The following FGF12 variants were observed in gnomAD, a reference collection of about 807,000 sequenced individuals.
FGF12 encodes the protein fibroblast growth factor 12, also known as fibroblast growth factor 12B.
FGF12 carries 14 observed loss-of-function variants against 23.6 expected under a neutral mutation model. The ratio of observed to expected loss-of-function variants is 0.59; its 90% CI spans 0.39 to 0.93. The LOEUF (loss-of-function observed/expected upper bound fraction) is 0.93. Ranked by LOEUF, FGF12 falls within the 40% of genes least tolerant of loss-of-function variation. The probability of loss-of-function intolerance (pLI) is 0.00; values close to 1 mark genes in which losing one functional copy is unlikely to be tolerated. For synonymous variants in FGF12, 62 were observed against 77.3 expected, an observed-to-expected ratio of 0.80 and a Z score of 1.04; for missense variants, 175 against 217.8, an observed-to-expected ratio of 0.80 and a Z score of 1.24.
chr3:192,677,916 C>T (rs1397663255), intron 2 of FGF12, among the ~76,000 whole-genome samples: 1 of 152,202 alleles, frequency 6.6e-6, no homozygotes, highest in East Asian at 1.9e-4. Context: ...TAAGTCCTGG[C>T]ACTATATTCT....
At chr3:192,498,513 T>C (rs1488774703) in intron 2 of FGF12, among the ~76,000 whole-genome samples, 1 of 152,256 alleles carries the variant, frequency 6.6e-6, no homozygotes, top group African/African-American at 2.4e-5. Context: ...TGATTGGGTA[T>C]ATATTTGCTC....
chr3:192,319,425 C>T (rs1340697728), intron 4 of FGF12, among the ~76,000 whole-genome samples: 3 of 151,862 alleles, frequency 2.0e-5, no homozygotes, highest in Admixed American at 6.6e-5. Flanking sequence ...GGTGAAACTT[C>T]GCCTCTACTA....
chr3:192,600,582 A>G (rs1265033985), intron 2 of FGF12, among the ~76,000 whole-genome samples: 4 of 152,104 alleles, frequency 2.6e-5, no homozygotes, highest in Non-Finnish European at 5.9e-5. Flanking sequence ...TATACAAGAA[A>G]CTCAAACATC....
intron 4 of FGF12, among the ~76,000 whole-genome samples, chr3:192,193,670 C>A (rs1223731322): frequency 6.6e-6 from 1 of 152,148 alleles, no homozygotes; most frequent in African/African-American, 2.4e-5. Flanking sequence ...CCATTTTCAA[C>A]ATCACTGGTC....
chr3:192,641,444 G>T (rs1715802388), intron 2 of FGF12, among the ~76,000 whole-genome samples: 1 of 129,170 alleles, frequency 7.7e-6, no homozygotes, highest in Non-Finnish European at 1.6e-5. Flanking sequence ...CACTCTTGTT[G>T]CACAGGCTGG....
In FGF12 at chr3:192,702,328, G is replaced by T. The variant is rs567957043; in HGVS notation, c.13+24853C>A. 6.6e-5 allele frequency among the ~76,000 whole-genome samples: 10 copies of T among 152,258 alleles called. No homozygotes were observed. The East Asian group carries it at 1.9e-3, about 29-fold the overall frequency. ...GTGGATAATTCTAAAGTTAGGTAAT[G>T]GAACTAAGGTTTCTCCTAGCTTTGT... is the stretch of plus-strand genomic sequence containing the variant. On this transcript the variant is annotated intron_variant, in intron 2 of 5. Transcript: ENST00000445105.
intron 2 of FGF12, among the ~76,000 whole-genome samples, chr3:192,443,737 C>A (rs2108797951): frequency 6.6e-6 from 1 of 152,276 alleles, no homozygotes; most frequent in Middle Eastern, 3.4e-3. Flanking sequence ...TTCATTTGGA[C>A]TTTGCTTTAC....
intron 4 of FGF12, among the ~76,000 whole-genome samples, chr3:192,246,838 A>G (rs1365441104): frequency 1.3e-5 from 2 of 149,676 alleles, no homozygotes; most frequent in African/African-American, 2.5e-5. Flanking sequence ...AAAAAAAAAA[A>G]GGAGAGAGAG....
intron 2 of FGF12, among the ~76,000 whole-genome samples, chr3:192,393,256 T>C (rs1041221355): frequency 2.6e-5 from 4 of 152,216 alleles, no homozygotes; most frequent in Admixed American, 6.5e-5. Context: ...CCTCAAGAAA[T>C]GACTTTATTA....
chr3:192,485,881 G>A (rs1723618859), intron 2 of FGF12, among the ~76,000 whole-genome samples: 1 of 152,034 alleles, frequency 6.6e-6, no homozygotes, highest in African/African-American at 2.4e-5. Flanking sequence ...AGATTGAATT[G>A]TCTCTGTATA....
At chr3:192,426,609 T>G (rs991040227) in intron 2 of FGF12, among the ~76,000 whole-genome samples, 1 of 152,212 alleles carries the variant, frequency 6.6e-6, no homozygotes, top group Non-Finnish European at 1.5e-5. Flanking sequence ...TATAATAATA[T>G]TCTTCATCAA....
intron 2 of FGF12, among the ~76,000 whole-genome samples, chr3:192,375,423 T>C (rs1228077819): frequency 6.6e-6 from 1 of 152,196 alleles, no homozygotes; most frequent in Non-Finnish European, 1.5e-5. Context: ...TTAGTAGTAA[T>C]CCTTACATAT....
chr3:192,166,677 A>T (rs1192811697), intron 5 of FGF12, among the ~76,000 whole-genome samples: 1 of 152,248 alleles, frequency 6.6e-6, no homozygotes. Context: ...GGAAAGTAAG[A>T]GACAGTAATT....
At chr3:192,655,342 A>AGGCCT (rs1250211947) in intron 2 of FGF12, among the ~76,000 whole-genome samples, 1 of 152,222 alleles carries the variant, frequency 6.6e-6, no homozygotes, top group Non-Finnish European at 1.5e-5. Context: ...TTCCATTGAC[A>AGGCCT]GGCCTTTCTT....
rs1245211020 is a variant in FGF12 at position 192,292,199 on chromosome 3, A to T, written c.228+43162T>A. On this transcript the variant is annotated intron_variant, in intron 4 of 5. Transcript: ENST00000445105. ...TCTAAGGGCAAGTTACTTTGTTCAC[A>T]TATGGACCAAGTAGCTATTGACAAA... is the stretch of plus-strand genomic sequence containing the variant. 2.6e-5 allele frequency among the ~76,000 whole-genome samples: 4 copies of T among 152,330 alleles called. No individual in the cohort carries two copies. In the East Asian group the frequency reaches 7.7e-4, roughly 29 times the overall value.
intron 4 of FGF12, among the ~76,000 whole-genome samples, chr3:192,260,296 A>C (rs1712668253): frequency 6.6e-6 from 1 of 152,092 alleles, no homozygotes; most frequent in African/African-American, 2.4e-5. Flanking sequence ...TGGCTTTCCC[A>C]ATTAGGTTGT....
intron 2 of FGF12, among the ~76,000 whole-genome samples, chr3:192,666,917 T>TAGATA (rs137939210): frequency 1.3e-4 from 19 of 147,630 alleles, no homozygotes; most frequent in African/African-American, 4.6e-4. Flanking sequence ...GATAGATAGA[T>TAGATA]GATAGATAGA....
intron 4 of FGF12, among the ~76,000 whole-genome samples, chr3:192,305,538 C>A (rs1386739757): frequency 6.6e-6 from 1 of 151,812 alleles, no homozygotes; most frequent in Admixed American, 6.6e-5. Context: ...TCCAGACACA[C>A]ACCTCAGCCA....
chr3:192,718,988 TAAAAAAA>T (rs540587523), intron 2 of FGF12, among the ~76,000 whole-genome samples: 9 of 142,276 alleles, frequency 6.3e-5, no homozygotes, highest in Non-Finnish European at 1.4e-4. Context: ...CAAACCGAGT[TAAAAAAA>T]AAAAAGAGAG....
Sources: allele counts gnomAD v4.1 joint callset (sites outside exome capture counted in the v4.1 genomes callset), GRCh38; gene constraint gnomAD v4.1.1; transcripts MANE v1.5; gene names NCBI Gene and HGNC (gene_info 2026-07-23, HGNC 2026-07-21).